TEF: variants seen among roughly 807,000 people sequenced by gnomAD.
The protein encoded by TEF is TEF transcription factor, PAR bZIP family member.
In TEF, 3 loss-of-function variants were observed where a neutral mutation model predicts 20.8. That is an observed-to-expected ratio of 0.14 (90% CI 0.07 to 0.37). The LOEUF (loss-of-function observed/expected upper bound fraction) is 0.37. TEF is among the 10% of genes least tolerant of loss of function. The pLI is 1.00. For synonymous variants in TEF, 180 were observed against 171.1 expected (o/e 1.05, Z -0.41); for missense variants, 296 against 397.9 (o/e 0.74, Z 2.18).
chr22:41,371,710 C>G (rs2036885096), intron 1 of TEF, among the ~76,000 whole-genome samples: 1 of 152,218 alleles, frequency 6.6e-6, no homozygotes, highest in African/African-American at 2.4e-5. Flanking sequence ...TCCCTTCTTT[C>G]CACCTTCCTT....
chr22:41,368,655 C>G (rs2036847366), intron 1 of TEF, among the ~76,000 whole-genome samples: 1 of 152,172 alleles, frequency 6.6e-6, no homozygotes, highest in Non-Finnish European at 1.5e-5. Context: ...AGACATTGCC[C>G]GAACGGGGAA....
exon 1 of TEF, chr22:41,367,538 C>G: frequency 6.4e-7 from 1 of 1,551,182 alleles, no homozygotes; most frequent in Non-Finnish European, 8.7e-7. Flanking sequence ...CTGCCATGGA[C>G]ATGCCTGAGG....
intron 1 of TEF, among the ~76,000 whole-genome samples, chr22:41,376,268 G>A (rs1207195111): frequency 1.3e-5 from 2 of 152,178 alleles, no homozygotes; most frequent in Non-Finnish European, 2.9e-5. Flanking sequence ...ATGGAGTCTC[G>A]CTTTGTGGCC....
In TEF at chr22:41,396,251, T is replaced by C; in HGVS notation, c.*291T>C. 2.6e-6 allele frequency: 1 copy of C among 379,172 alleles called. No homozygotes were observed. Among genetic ancestry groups the C allele is most frequent in the Non-Finnish European group, 4.9e-6 (1 of 202,840 alleles). 23.5% of individuals were successfully genotyped at this position (379,172 alleles called of 1,614,324 possible). ...GTCCCAGTTGAATCAGAAGGGGACC[T>C]CTGGAGTACACACCTCTCTCCTGGG... On this transcript the variant is annotated 3_prime_UTR_variant, in exon 4 of 4. Coordinates refer to ENST00000266304, the MANE Select transcript of TEF (RefSeq NM_003216.4).
At chr22:41,387,180 G>A (rs1056795405) in intron 1 of TEF, among the ~76,000 whole-genome samples, 171 bp from the exon 2 acceptor site, 7 of 152,184 alleles carry the variant, frequency 4.6e-5, no homozygotes, top group African/African-American at 1.4e-4. Context: ...AAAACAGCCG[G>A]CCTGGTTCAA....
Position 41,396,258 on chromosome 22 carries a change from T to C in TEF, c.*298T>C. On this transcript the variant is annotated 3_prime_UTR_variant, in exon 4 of 4. Coordinates refer to ENST00000266304, the MANE Select transcript of TEF (RefSeq NM_003216.4). ...TTGAATCAGAAGGGGACCTCTGGAG[T>C]ACACACCTCTCTCCTGGGCGCTCAG... The C allele has an allele frequency of 2.8e-6, 1 of 351,216 alleles. No individual in the cohort carries two copies. Among genetic ancestry groups the C allele is most frequent in the Non-Finnish European group, 5.4e-6 (1 of 186,908 alleles). 21.8% of individuals were successfully genotyped at this position (351,216 alleles called of 1,614,324 possible).
intron 1 of TEF, among the ~76,000 whole-genome samples, chr22:41,384,132 A>T (rs2037067342): frequency 6.6e-6 from 1 of 152,208 alleles, no homozygotes; most frequent in African/African-American, 2.4e-5. Flanking sequence ...CTGGGAGTCC[A>T]TGTGTGGCTG....
chr22:41,387,585 A>G lies in TEF; in HGVS notation c.392A>G (p.Lys131Arg), dbSNP rs1359287345. 2.5e-6 allele frequency: 4 copies of G among 1,614,198 alleles called. No homozygotes were observed. The highest frequency in any genetic ancestry group is 3.4e-6 in the Non-Finnish European group (4 of 1,180,018). Residue 131 changes from lysine (K) to arginine (R), a missense_variant, in exon 2 of 4, where the codon AAG becomes AGG. By Grantham distance (26) the Lys-to-Arg change is conservative. Transcript: ENST00000266304. ...CTGCCTGTAGCAGAGCTAGAAGGGA[A>G]GGAGTCTGCCAGCTCTTCCACAGCA... ...LLLPVAELEG[K>R]ESASSSTASP...
rs138121715 is a variant in TEF at position 41,390,370 on chromosome 22, C to G, written c.475+2702C>G. Among the ~76,000 whole-genome samples the G allele has an allele frequency of 3.3e-5, 5 of 152,158 alleles. 1 individual carries two copies. Among genetic ancestry groups the G allele is most frequent in the African/African-American group, 1.2e-4 (5 of 41,520 alleles). ...CAGGGCATTGGAGTTCCATTGTCAG[C>G]CTTTGATTTTGACATCTTTTGTAAT... On this transcript the variant is annotated intron_variant, in intron 2 of 3. Transcript: ENST00000266304.
chr22:41,379,118 CCT>C (rs2036982464), upstream of TEF, among the ~76,000 whole-genome samples: 1 of 152,076 alleles, frequency 6.6e-6, no homozygotes, highest in East Asian at 1.9e-4. Flanking sequence ...GGGTGGATCA[CCT>C]GAGGTCAGGA....
Position 41,387,592 on chromosome 22 carries a change from T to G in TEF, c.399T>G (p.Ser133=). 1 of 1,614,216 alleles carries G rather than the reference T, an allele frequency of 6.2e-7. No homozygotes were observed. The highest frequency in any genetic ancestry group is 8.5e-7 in the Non-Finnish European group (1 of 1,180,034). Residue 133 remains serine, a synonymous_variant, in exon 2 of 4, where the codon TCT becomes TCG. Coordinates refer to ENST00000266304, the MANE Select transcript of TEF (RefSeq NM_003216.4). ...TAGCAGAGCTAGAAGGGAAGGAGTC[T>G]GCCAGCTCTTCCACAGCATCCCCAC... ...LPVAELEGKE[S]ASSSTASPPS...
rs9623390 is a variant in TEF at position 41,396,511 on chromosome 22, A to G, written c.*551A>G. 5,488 of 167,228 alleles carry G rather than the reference A, an allele frequency of 0.033. 319 individuals carry two copies. Among genetic ancestry groups the G allele is most frequent in the African/African-American group, 0.12 (5,120 of 42,082 alleles). 10.4% of individuals were successfully genotyped at this position (167,228 alleles called of 1,614,324 possible). On this transcript the variant is annotated 3_prime_UTR_variant, in exon 4 of 4. Transcript: ENST00000266304. Reference sequence around the variant, plus strand: ...CTCCTCCGTCAGTGTCTGCATGGGTAGCAGGCTGCAGGAGTGGGGTCTCTG... The same window carrying G: ...CTCCTCCGTCAGTGTCTGCATGGGTGGCAGGCTGCAGGAGTGGGGTCTCTG...
intron 1 of TEF, among the ~76,000 whole-genome samples, chr22:41,374,509 G>A (rs926457662): frequency 2.6e-5 from 4 of 150,986 alleles, no homozygotes; most frequent in South Asian, 2.1e-4. Context: ...CCGAGATCGC[G>A]CCACTGCACT....
At chr22:41,369,177 C>T in intron 1 of TEF, 1 of 985,294 alleles carries the variant, frequency 1.0e-6, no homozygotes, top group Non-Finnish European at 1.2e-6. Context: ...ATGAGGATAA[C>T]AAGGCCTTTG....
At chr22:41,382,279 G>A (rs2145977277) in intron 1 of TEF, 78 bp downstream of exon 1, 3 of 1,128,870 alleles carry the variant, frequency 2.7e-6, no homozygotes, top group East Asian at 3.4e-5. Flanking sequence ...GCGGGGCCGG[G>A]GAGGCAGTGG....
chr22:41,388,550 G>T (rs574366647), intron 2 of TEF, among the ~76,000 whole-genome samples: 6 of 149,098 alleles, frequency 4.0e-5, no homozygotes, highest in African/African-American at 1.5e-4. Flanking sequence ...TTACCTACTA[G>T]CCTGGGCAAC....
At chr22:41,387,981 CTCTTTTTTTTTTTT>C (rs1021135610) in intron 2 of TEF, among the ~76,000 whole-genome samples, 2 of 90,478 alleles carry the variant, frequency 2.2e-5, no homozygotes, top group African/African-American at 8.1e-5. Context: ...CTCAATGCTG[CTCTTTTTTTTTTTT>C]TTTTTTTTTT....
In TEF at chr22:41,396,892, T is replaced by A; in HGVS notation, c.*932T>A. 1 of 398,570 alleles carries A rather than the reference T, an allele frequency of 2.5e-6. No individual in the cohort carries two copies. Among genetic ancestry groups the A allele is most frequent in the Non-Finnish European group, 4.4e-6 (1 of 226,058 alleles). The allele number at this position is 398,570 out of a possible 1,614,324, so 24.7% of individuals were successfully genotyped here. On this transcript the variant is annotated 3_prime_UTR_variant, in exon 4 of 4. Transcript: ENST00000266304. ...GGCTTTAACTTCCTGGACCCCAGGA[T>A]TCACCTTCCTAGTGGTGTTTAGAAA...
chr22:41,370,412 A>ATTTTTT (rs35657809), intron 1 of TEF, among the ~76,000 whole-genome samples: 1 of 108,604 alleles, frequency 9.2e-6, no homozygotes, highest in Non-Finnish European at 1.9e-5. Context: ...TGCGCCTGGC[A>ATTTTTT]TTTTTTTTTT....
Sources: gnomAD v4.1 joint callset for allele counts (sites outside exome capture counted in the v4.1 genomes callset) on GRCh38, gnomAD v4.1.1 for gene constraint, MANE v1.5 for transcripts, NCBI Gene and HGNC (gene_info 2026-07-23, HGNC 2026-07-21) for gene names.